The following GPSM2 variants were observed in gnomAD, a reference collection of about 807,000 sequenced individuals.
The protein encoded by GPSM2 is G protein signaling modulator 2, also known as G protein-signaling modulator 2.
In GPSM2, 58 loss-of-function variants were observed where a neutral mutation model predicts 78.4. The ratio of observed to expected loss-of-function variants is 0.74; its 90% CI spans 0.60 to 0.92. The LOEUF is 0.92. Among genes scored for constraint, GPSM2 ranks in the 40% least tolerant of loss-of-function variants. GPSM2 has a pLI of 0.00. For missense variants in GPSM2, 700 were observed against 815.5 expected, an observed-to-expected ratio of 0.86 and a Z score of 1.73; for synonymous variants, 224 against 280.2, an observed-to-expected ratio of 0.80 and a Z score of 2.00.
chr1:108,889,198 G>A (rs977660386), intron 2 of GPSM2, among the ~76,000 whole-genome samples: 4 of 152,240 alleles, frequency 2.6e-5, no homozygotes, highest in African/African-American at 4.8e-5. Flanking sequence ...GTTTTGCCTC[G>A]AGAGTACACT....
chr1:108,921,044 A>G (rs1049142276), intron 12 of GPSM2, among the ~76,000 whole-genome samples: 5 of 151,922 alleles, frequency 3.3e-5, no homozygotes, highest in African/African-American at 1.2e-4. Flanking sequence ...GATACCATTT[A>G]CTCTGTCCCT....
chr1:108,910,174 A>T (rs1649620153), intron 10 of GPSM2, among the ~76,000 whole-genome samples: 1 of 152,176 alleles, frequency 6.6e-6, no homozygotes, highest in Non-Finnish European at 1.5e-5. Flanking sequence ...ATATTTGAAA[A>T]TCTAGGAGAA....
At chr1:108,898,576 A>G in intron 5 of GPSM2, 66 bp from the exon 6 acceptor site, 3 of 1,467,850 alleles carry the variant, frequency 2.0e-6, no homozygotes, top group South Asian at 2.3e-5. Context: ...AGAATTAGAT[A>G]TGTAAATCAC....
At chr1:108,896,295 T>C (rs1013430432) in intron 2 of GPSM2, among the ~76,000 whole-genome samples, 4 of 152,124 alleles carry the variant, frequency 2.6e-5, no homozygotes, top group African/African-American at 9.7e-5. Context: ...ATCAAGAATA[T>C]TTTGTTCCTC....
chr1:108,921,031 A>T (rs1363803002), intron 12 of GPSM2, among the ~76,000 whole-genome samples: 3 of 152,170 alleles, frequency 2.0e-5, no homozygotes, highest in African/African-American at 7.2e-5. Context: ...TCCCAGTTAA[A>T]GGGATACCAT....
chr1:108,904,134 A>C lies in GPSM2; in HGVS notation c.1072A>C (p.Lys358Gln). Reference protein sequence around the residue: ...HLEISREVGDKSGELTARLNL... With the variant: ...HLEISREVGDQSGELTARLNL... Reference sequence around the variant, plus strand: ...AATGTTTGTGTTGTAGGTTGGGGATAAAAGTGGTGAACTAACAGCACGACT... The same window carrying C: ...AATGTTTGTGTTGTAGGTTGGGGATCAAAGTGGTGAACTAACAGCACGACT... Residue 358 changes from lysine (K) to glutamine (Q), a missense_variant, in exon 10 of 15, where the codon AAA (lysine) becomes CAA (glutamine). Coordinates refer to ENST00000264126, the MANE Select transcript of GPSM2 (RefSeq NM_013296.5). 6.3e-7 allele frequency: 1 copy of C among 1,597,068 alleles called. No individual in the cohort carries two copies. Among genetic ancestry groups the C allele is most frequent in the Non-Finnish European group, 8.6e-7 (1 of 1,165,332 alleles).
rs1557886922 is a variant in GPSM2, at chr1:108,931,345, A to AAAGT, written c.*1408_*1411dup. On this transcript the variant is annotated 3_prime_UTR_variant, in exon 15 of 15. Transcript: ENST00000264126. ...AGGCAGTTTACAAGGGGATGATAAC[A>AAAGT]AAGTAACTAACTAACTGTAGCAAAA... is the stretch of plus-strand genomic sequence containing the variant. The AAAGT allele has an allele frequency of 6.4e-7, 1 of 1,550,722 alleles. No homozygotes were observed. Among genetic ancestry groups the AAAGT allele is most frequent in the Admixed American group, 2.0e-5 (1 of 50,956 alleles).
In GPSM2 at chr1:108,914,377, AT is replaced by A; in HGVS notation, c.1233del (p.Asn411LysfsTer5). The A allele has an allele frequency of 6.2e-7, 1 of 1,612,632 alleles. No individual in the cohort carries two copies. Among genetic ancestry groups the A allele is most frequent in the Non-Finnish European group, 8.5e-7 (1 of 1,178,864 alleles). On this transcript the variant is annotated frameshift_variant, in exon 11 of 15. Coordinates refer to ENST00000264126, the MANE Select transcript of GPSM2 (RefSeq NM_013296.5). LOFTEE classifies it high-confidence loss of function. ...TTGGGACGCCGGCATAGTATGGAAA[AT>A]ATGGAACTTATGAAGTTAACACCAG... ...PKLGRRHSME[N>X]MELMKLTPEK... is the part of the protein sequence containing the mutation.
rs930612902 is a variant in GPSM2, at chr1:108,931,182, A to G, written c.*1242A>G. 2 of 901,120 alleles carry G rather than the reference A, an allele frequency of 2.2e-6. No homozygotes were observed. The highest frequency in any genetic ancestry group is 3.1e-6 in the Non-Finnish European group (2 of 636,250). 55.8% of individuals were successfully genotyped at this position (901,120 alleles called of 1,614,324 possible). On this transcript the variant is annotated 3_prime_UTR_variant, in exon 15 of 15. Transcript: ENST00000264126. The stretch of plus-strand genomic sequence containing the variant: ...AATATAAAAACAAAAAACAAAACCC[A>G]TGTGGTTAGGTCAAGAACCTAGGAC...
chr1:108,924,456 T>A (rs566457764), intron 14 of GPSM2: 6 of 548,700 alleles, frequency 1.1e-5, no homozygotes, highest in Middle Eastern at 5.0e-4. Context: ...TGTATATATA[T>A]AGAGAGAGAG....
chr1:108,911,624 A>G (rs1239540107), intron 10 of GPSM2, among the ~76,000 whole-genome samples: 1 of 152,202 alleles, frequency 6.6e-6, no homozygotes, highest in Non-Finnish European at 1.5e-5. Context: ...TCAATTCACC[A>G]GGAAGATGAA....
At chr1:108,928,846 C>T (rs963870302) in intron 14 of GPSM2, among the ~76,000 whole-genome samples, 2 of 151,940 alleles carry the variant, frequency 1.3e-5, no homozygotes, top group East Asian at 1.9e-4. Context: ...AAAAATTAGC[C>T]AGGTGTGGTG....
chr1:108,922,249 A>AAAT (rs1312273313), intron 12 of GPSM2, among the ~76,000 whole-genome samples, 168 bp from the exon 13 acceptor site: 2 of 152,204 alleles, frequency 1.3e-5, no homozygotes, highest in Non-Finnish European at 2.9e-5. Flanking sequence ...TGTTGGATTA[A>AAAT]AATAACATTT....
At position 108,934,511 on chromosome 1, in the gene GPSM2, A is replaced by G; in HGVS notation, c.*4571A>G. 2 of 775,394 alleles carry G rather than the reference A, an allele frequency of 2.6e-6. No individual in the cohort carries two copies. Among genetic ancestry groups the G allele is most frequent in the Non-Finnish European group, 4.0e-6 (2 of 501,570 alleles). 48.0% of individuals were successfully genotyped at this position (775,394 alleles called of 1,614,324 possible). On this transcript the variant is annotated 3_prime_UTR_variant, in exon 15 of 15. Coordinates refer to ENST00000264126, the MANE Select transcript of GPSM2 (RefSeq NM_013296.5). The stretch of plus-strand genomic sequence containing the variant: ...CATATATAACGTGTTTGTTAATTCT[A>G]ATTGTCAGTAAAAATGTGAATGTTG...
At position 108,898,111 on chromosome 1, in the gene GPSM2, G is replaced by A. The variant is rs746627113; in HGVS notation, c.557+10G>A. The A allele has an allele frequency of 1.2e-6, 2 of 1,612,486 alleles. No homozygotes were observed. Among genetic ancestry groups the A allele is most frequent in the Non-Finnish European group, 1.7e-6 (2 of 1,178,608 alleles). ...CCGTGGATTTTTATGAGTGAGTAGG[G>A]GCTGATATGGGCAGTCATGTAGGCC... On this transcript the variant is annotated intron_variant, in intron 5 of 14. Transcript: ENST00000264126.
At position 108,885,561 on chromosome 1, in the gene GPSM2, T is replaced by C; in HGVS notation, c.39T>C (p.Ser13=). The C allele has an allele frequency of 6.3e-7, 1 of 1,582,450 alleles. No homozygotes were observed. Among genetic ancestry groups the C allele is most frequent in the Non-Finnish European group, 8.7e-7 (1 of 1,151,214 alleles). ...TGATAAGCATGAGAGAAGACCATTC[T>C]TTTCATGTTCGTTACAGGTAAGACT... is the stretch of plus-strand genomic sequence containing the variant. ...ENLISMREDH[S]FHVRYRMEAS... Residue 13 remains serine, a synonymous_variant, in exon 2 of 15, where the codon TCT becomes TCC. Coordinates refer to ENST00000264126, the MANE Select transcript of GPSM2 (RefSeq NM_013296.5).
Position 108,885,388 on chromosome 1 carries a change from G to A in GPSM2, c.-135G>A. 1 of 552,210 alleles carries A rather than the reference G, an allele frequency of 1.8e-6. No homozygotes were observed. The allele number at this position is 552,210 out of a possible 1,614,324, so 34.2% of individuals were successfully genotyped here. A position where few individuals can be genotyped will look rare whatever the true frequency, so the allele number is the denominator to read the frequency against. On this transcript the variant is annotated 5_prime_UTR_variant, in exon 2 of 15. Transcript: ENST00000264126. ...TTTCATTATTAATAAAGAAGAATCA[G>A]GAGCTTAGGATGTATTAACACCAAC...
At chr1:108,896,005 A>G (rs531239173) in intron 2 of GPSM2, among the ~76,000 whole-genome samples, 2 of 152,322 alleles carry the variant, frequency 1.3e-5, no homozygotes, top group South Asian at 4.1e-4. Context: ...GCCAAATTAC[A>G]GAAATAATTA....
At chr1:108,892,127 T>C (rs1484910160) in intron 2 of GPSM2, among the ~76,000 whole-genome samples, 2 of 152,120 alleles carry the variant, frequency 1.3e-5, no homozygotes, top group South Asian at 4.1e-4. Flanking sequence ...ACCACAGAAA[T>C]GGAAAGCATA....
Sources: gnomAD v4.1 joint callset for allele counts (sites outside exome capture counted in the v4.1 genomes callset) on GRCh38, gnomAD v4.1.1 for gene constraint, MANE v1.5 for transcripts, NCBI Gene and HGNC (gene_info 2026-07-23, HGNC 2026-07-21) for gene names.